ZPBP: variants seen among roughly 807,000 people sequenced by gnomAD.
ZPBP encodes the protein zona pellucida binding protein.
In ZPBP, 26 loss-of-function variants were observed where a neutral mutation model predicts 44.8. The ratio of observed to expected loss-of-function variants is 0.58; its 90% CI spans 0.43 to 0.81. The LOEUF (loss-of-function observed/expected upper bound fraction) is 0.81. Among genes scored for constraint, ZPBP ranks in the 30% least tolerant of loss-of-function variants. ZPBP has a pLI of 0.00. For synonymous variants in ZPBP, 174 were observed against 153.2 expected (o/e 1.14, Z -1.00); for missense variants, 409 against 434.0 (o/e 0.94, Z 0.51).
chr7:49,849,571 C>T (rs542233485), downstream of ZPBP, among the ~76,000 whole-genome samples: 31 of 152,352 alleles, frequency 2.0e-4, no homozygotes, highest in African/African-American at 5.5e-4. Context: ...CACACACACA[C>T]GCTGCCTCTT....
chr7:49,902,772 A>G (rs927161463), intron 1 of ZPBP, among the ~76,000 whole-genome samples: 3 of 152,136 alleles, frequency 2.0e-5, no homozygotes, highest in East Asian at 3.8e-4. Flanking sequence ...GCATTGAAAT[A>G]TAAAATTTTT....
At chr7:49,943,188 G>T in intron 7 of ZPBP, 1 of 315,158 alleles carries the variant, frequency 3.2e-6, no homozygotes. Context: ...AAAGTCCTCA[G>T]CATTCTCCCA....
chr7:49,923,084 A>C (rs1794092923), intron 1 of ZPBP, among the ~76,000 whole-genome samples: 1 of 152,344 alleles, frequency 6.6e-6, no homozygotes, highest in African/African-American at 2.4e-5. Flanking sequence ...AAATGCAAAG[A>C]AGTACAGATA....
intron 2 of ZPBP, among the ~76,000 whole-genome samples, chr7:49,852,550 TG>T (rs1224205787): frequency 6.6e-6 from 1 of 152,088 alleles, no homozygotes; most frequent in East Asian, 1.9e-4. Context: ...AGATCATACC[TG>T]GGGATAATGC....
chr7:49,853,876 C>A (rs1357156625), intron 2 of ZPBP, among the ~76,000 whole-genome samples: 1 of 134,556 alleles, frequency 7.4e-6, no homozygotes, highest in African/African-American at 2.8e-5. Flanking sequence ...CCCCCCACCC[C>A]ACAACAGGCC....
intron 2 of ZPBP, among the ~76,000 whole-genome samples, chr7:49,872,915 C>CAAAAAAAA (rs61473396): frequency 8.8e-4 from 30 of 33,946 alleles, no homozygotes; most frequent in Non-Finnish European, 1.1e-3. Flanking sequence ...GACTTTGTCT[C>CAAAAAAAA]AAAAAAAAAA....
intron 6 of ZPBP, among the ~76,000 whole-genome samples, chr7:50,013,467 G>A (rs182624942): frequency 1.1e-4 from 17 of 152,058 alleles, no homozygotes; most frequent in Admixed American, 8.5e-4. Flanking sequence ...AAAGCCATCA[G>A]TAGCAAATGT....
At chr7:49,994,339 G>A (rs369356667) in intron 6 of ZPBP, among the ~76,000 whole-genome samples, 23 of 152,222 alleles carry the variant, frequency 1.5e-4, no homozygotes, top group Non-Finnish European at 3.1e-4. Flanking sequence ...TAGAGAACTC[G>A]CCATGAAGCC....
At chr7:49,972,203 T>C (rs1796326853) in intron 7 of ZPBP, among the ~76,000 whole-genome samples, 1 of 151,360 alleles carries the variant, frequency 6.6e-6, no homozygotes, top group African/African-American at 2.4e-5. Flanking sequence ...GTGTCTACTA[T>C]CCTCACTTAT....
At chr7:50,060,128 C>T (rs1441809820) in intron 3 of ZPBP, among the ~76,000 whole-genome samples, 1 of 152,188 alleles carries the variant, frequency 6.6e-6, no homozygotes, top group East Asian at 1.9e-4. Flanking sequence ...GCGGCCCACT[C>T]TCACTATGGA....
At chr7:50,082,272 C>G (rs903973164) in intron 2 of ZPBP, among the ~76,000 whole-genome samples, 1 of 151,572 alleles carries the variant, frequency 6.6e-6, no homozygotes, top group Non-Finnish European at 1.5e-5. Context: ...AGACACCAAA[C>G]ATGATTAGAG....
intron 6 of ZPBP, among the ~76,000 whole-genome samples, chr7:50,009,579 T>A (rs1798476666): frequency 1.3e-5 from 2 of 151,944 alleles, no homozygotes; most frequent in Admixed American, 6.6e-5. Flanking sequence ...ATCCTTTAAT[T>A]TCGTATATCT....
At chr7:49,917,042 T>G (rs1793760567) in intron 1 of ZPBP, 1 of 152,214 alleles carries the variant, frequency 6.6e-6, no homozygotes, top group Non-Finnish European at 1.5e-5. Context: ...TTATTTCTAA[T>G]TTTTGGAAAA....
intron 3 of ZPBP, among the ~76,000 whole-genome samples, chr7:50,065,126 T>C (rs1182808899): frequency 2.6e-5 from 4 of 152,238 alleles, no homozygotes; most frequent in Non-Finnish European, 5.9e-5. Flanking sequence ...TTGATATTTG[T>C]GTCTATTTTT....
intron 6 of ZPBP, among the ~76,000 whole-genome samples, chr7:49,988,676 A>G (rs1251181525): frequency 1.3e-5 from 2 of 152,186 alleles, no homozygotes; most frequent in Admixed American, 6.5e-5. Flanking sequence ...TCTTCAAAGG[A>G]TGGTCTATAA....
intron 1 of ZPBP, among the ~76,000 whole-genome samples, chr7:49,923,516 G>A (rs1436967948): frequency 6.6e-6 from 1 of 152,020 alleles, no homozygotes; most frequent in Admixed American, 6.5e-5. Flanking sequence ...ATACTTATTG[G>A]TGCTTTTATC....
intron 1 of ZPBP, chr7:49,918,922 A>T (rs1324319008): frequency 6.6e-6 from 1 of 152,060 alleles, no homozygotes; most frequent in African/African-American, 2.4e-5. Context: ...TTACCTGGGC[A>T]TGGTGGCACA....
chr7:49,950,522 T>C (rs183467356), intron 7 of ZPBP, among the ~76,000 whole-genome samples: 3 of 151,862 alleles, frequency 2.0e-5, no homozygotes, highest in Admixed American at 1.3e-4. Context: ...GTTTTAGTAA[T>C]AATTATAGAT....
intron 7 of ZPBP, among the ~76,000 whole-genome samples, chr7:49,956,505 A>G (rs1795601392): frequency 6.6e-6 from 1 of 152,136 alleles, no homozygotes; most frequent in Non-Finnish European, 1.5e-5. Flanking sequence ...GCAATAAATG[A>G]TTACAAACCA....
Sources: gnomAD v4.1 joint callset for allele counts (sites outside exome capture counted in the v4.1 genomes callset) on GRCh38, gnomAD v4.1.1 for gene constraint, MANE v1.5 for transcripts, NCBI Gene and HGNC (gene_info 2026-07-23, HGNC 2026-07-21) for gene names.